Variants in CFAP99 observed in about 807,000 individuals in gnomAD.
CFAP99 encodes the protein cilia- and flagella-associated protein 99.
In CFAP99, 84 loss-of-function variants were observed where a neutral mutation model predicts 82.7. The ratio of observed to expected loss-of-function variants is 1.02; its 90% CI spans 0.85 to 1.22. The LOEUF (loss-of-function observed/expected upper bound fraction) is 1.22. CFAP99 is among the 50% of genes most tolerant of loss of function. The probability of loss-of-function intolerance (pLI) is 0.00; values close to 1 mark genes in which losing one functional copy is unlikely to be tolerated. For missense variants in CFAP99, 1,059 were observed against 983.5 expected (o/e 1.08, Z -1.03); for synonymous variants, 456 against 429.5 (o/e 1.06, Z -0.76).
chr4:2,421,879 CA>C (rs34014257), intron 1 of CFAP99, among the ~76,000 whole-genome samples: 6,334 of 101,460 alleles, frequency 0.062, 416 homozygotes, highest in African/African-American at 0.18. Flanking sequence ...CCTGTCTCTA[CA>C]AAAAAAAAAA....
At chr4:2,461,022 C>G (rs1164826538) in intron 14 of CFAP99, among the ~76,000 whole-genome samples, 1 of 152,212 alleles carries the variant, frequency 6.6e-6, no homozygotes, top group Non-Finnish European at 1.5e-5. Context: ...CAGGTGTGAG[C>G]CCAGCCTGGC....
chr4:2,442,648 G>A (rs1367116918), intron 4 of CFAP99, among the ~76,000 whole-genome samples: 1 of 152,148 alleles, frequency 6.6e-6, no homozygotes, highest in Non-Finnish European at 1.5e-5. Flanking sequence ...CGGACCCTCG[G>A]CTCCCCATCC....
At chr4:2,435,188 T>C (rs6849021) in intron 2 of CFAP99, among the ~76,000 whole-genome samples, 6,389 of 151,314 alleles carry the variant, frequency 0.042, 424 homozygotes, top group African/African-American at 0.14. Context: ...GTCCCAGCTG[T>C]TCGGGAGGCT....
chr4:2,438,564 TG>T, intron 4 of CFAP99, among the ~76,000 whole-genome samples: 1 of 152,170 alleles, frequency 6.6e-6, no homozygotes, highest in African/African-American at 2.4e-5. Context: ...GCCCGGCCTC[TG>T]GTTGGTTTTA....
intron 11 of CFAP99, among the ~76,000 whole-genome samples, chr4:2,454,591 T>G (rs1165476090): frequency 2.7e-5 from 4 of 146,450 alleles, no homozygotes; most frequent in African/African-American, 7.8e-5. Flanking sequence ...CTTTTTTTTT[T>G]TTGTTTTTTT....
chr4:2,458,368 C>G (rs896781082), intron 11 of CFAP99, among the ~76,000 whole-genome samples: 1 of 152,158 alleles, frequency 6.6e-6, no homozygotes, highest in Admixed American at 6.5e-5. Context: ...CCCCCCTACC[C>G]CGGGCCCCCT....
At chr4:2,434,070 C>G (rs948797513) in intron 2 of CFAP99, among the ~76,000 whole-genome samples, 2 of 152,150 alleles carry the variant, frequency 1.3e-5, no homozygotes, top group African/African-American at 2.4e-5. Flanking sequence ...GAAGACAGAC[C>G]GAGAGACACG....
At chr4:2,431,318 G>A (rs1423582388) in intron 2 of CFAP99, among the ~76,000 whole-genome samples, 4 of 150,086 alleles carry the variant, frequency 2.7e-5, no homozygotes, top group Non-Finnish European at 4.4e-5. Flanking sequence ...GCAGTGAGTC[G>A]AGATCGCACC....
exon 11 of CFAP99, chr4:2,452,241 C>T (rs375953834): frequency 6.5e-6 from 10 of 1,536,036 alleles, no homozygotes; most frequent in Admixed American, 2.0e-5. Context: ...TGGCTGCAAG[C>T]GAGTGCCGGC....
At position 2,462,174 on chromosome 4, in the gene CFAP99, A is replaced by G; in HGVS notation, c.1662-269A>G. ...CCTGCCTCAAACAAACAAACAAACA[A>G]CAACAACAAAAATTAAAGAAAAGAA... is the stretch of plus-strand genomic sequence containing the variant. On this transcript the variant is annotated intron_variant, in intron 14 of 14. Coordinates refer to ENST00000635017, the Ensembl canonical transcript of CFAP99. The surrounding 1 kb of genome is among the most constrained non-coding windows in gnomAD (Gnocchi z 4.1). 3.1e-6 allele frequency: 1 copy of G among 326,002 alleles called. No homozygotes were observed. Among genetic ancestry groups the G allele is most frequent in the Non-Finnish European group, 5.5e-6 (1 of 180,406 alleles). The allele number at this position is 326,002 out of a possible 1,614,324, so 20.2% of individuals were successfully genotyped here.
At chr4:2,423,831 C>A (rs979099063) in intron 1 of CFAP99, among the ~76,000 whole-genome samples, 4 of 151,754 alleles carry the variant, frequency 2.6e-5, no homozygotes, top group African/African-American at 7.3e-5. Context: ...ATCATCAGGA[C>A]CGCACTGGCG....
At chr4:2,459,303 C>G in intron 13 of CFAP99, 45 bp downstream of exon 13, 1 of 1,479,062 alleles carries the variant, frequency 6.8e-7, no homozygotes, top group Non-Finnish European at 9.0e-7. Context: ...GGGGCCTCCA[C>G]GCTGGCACTG....
chr4:2,422,766 G>A (rs1276747722), intron 1 of CFAP99, among the ~76,000 whole-genome samples: 1 of 152,176 alleles, frequency 6.6e-6, no homozygotes, highest in Non-Finnish European at 1.5e-5. Context: ...TGGAGGCAGG[G>A]CAAGAAAACT....
intron 2 of CFAP99, among the ~76,000 whole-genome samples, chr4:2,434,315 C>T (rs7669749): frequency 2.6e-5 from 4 of 152,138 alleles, no homozygotes; most frequent in African/African-American, 7.2e-5. Context: ...TGGCTGAGAT[C>T]ACTCAGAAAG....
At chr4:2,443,577 C>T (rs1450996125) in intron 5 of CFAP99, among the ~76,000 whole-genome samples, 1 of 152,210 alleles carries the variant, frequency 6.6e-6, no homozygotes, top group Non-Finnish European at 1.5e-5. Flanking sequence ...CTGGAGCCTA[C>T]ATGCTGGCTG....
At chr4:2,424,216 T>C (rs1733639049) in intron 1 of CFAP99, among the ~76,000 whole-genome samples, 1 of 152,164 alleles carries the variant, frequency 6.6e-6, no homozygotes, top group South Asian at 2.1e-4. Context: ...GTCAGGAGTT[T>C]GAGACCAGCC....
At chr4:2,438,902 G>A (rs75118380) in intron 4 of CFAP99, among the ~76,000 whole-genome samples, 7,619 of 152,278 alleles carry the variant, frequency 0.05, 571 homozygotes, top group African/African-American at 0.17. Context: ...AATCAAATCC[G>A]AGGCCCAGAA....
chr4:2,458,240 A>G (rs754203242), intron 11 of CFAP99, among the ~76,000 whole-genome samples: 2 of 152,174 alleles, frequency 1.3e-5, no homozygotes, highest in Non-Finnish European at 2.9e-5. Context: ...TCTTCACCTC[A>G]TATTTCTACA....
At chr4:2,456,871 T>A (rs1380801922) in intron 11 of CFAP99, among the ~76,000 whole-genome samples, 2 of 152,074 alleles carry the variant, frequency 1.3e-5, no homozygotes, top group African/African-American at 4.8e-5. Flanking sequence ...AGAATAGCTG[T>A]ACTAGTGTCA....
Sources: allele counts gnomAD v4.1 joint callset (sites outside exome capture counted in the v4.1 genomes callset), GRCh38; gene constraint gnomAD v4.1.1; non-coding constraint Gnocchi (gnomAD v3.1); transcripts MANE v1.5; gene names NCBI Gene and HGNC (gene_info 2026-07-23, HGNC 2026-07-21).